ZNF382: variants seen among roughly 807,000 people sequenced by gnomAD.
ZNF382 encodes the protein zinc finger protein 382.
In ZNF382, 20 loss-of-function variants were observed where a neutral mutation model predicts 38.8. That is an observed-to-expected ratio of 0.51 (90% CI 0.36 to 0.75). ZNF382 has a LOEUF of 0.75. Ranked by LOEUF, ZNF382 falls within the 30% of genes least tolerant of loss-of-function variation. The pLI, the probability that ZNF382 is intolerant of heterozygous loss-of-function variation, is 0.00. For synonymous variants in ZNF382, 202 were observed against 223.1 expected (o/e 0.91, Z 0.84); for missense variants, 546 against 654.1 (o/e 0.83, Z 1.80).
chr19:36,620,978 C>T (rs558537500), intron 4 of ZNF382, among the ~76,000 whole-genome samples: 11 of 152,126 alleles, frequency 7.2e-5, no homozygotes, highest in Admixed American at 1.3e-4. Flanking sequence ...AGGTTGGTCT[C>T]GAACTCCTGG....
chr19:36,622,977 T>C (rs2037181538), intron 4 of ZNF382, among the ~76,000 whole-genome samples: 1 of 152,194 alleles, frequency 6.6e-6, no homozygotes, highest in Non-Finnish European at 1.5e-5. Context: ...ATCTGTAACA[T>C]GTGAGCAGAC....
chr19:36,619,767 G>A (rs1383365706), intron 4 of ZNF382, among the ~76,000 whole-genome samples: 2 of 150,094 alleles, frequency 1.3e-5, no homozygotes, highest in East Asian at 3.9e-4. Flanking sequence ...GTATTGCTCT[G>A]TTGCCCAGGC....
intron 4 of ZNF382, among the ~76,000 whole-genome samples, chr19:36,620,852 G>C (rs575927484): frequency 6.6e-6 from 1 of 151,630 alleles, no homozygotes; most frequent in Non-Finnish European, 1.5e-5. Flanking sequence ...TCCACCTCCC[G>C]AGTTCAAGTG....
intron 4 of ZNF382, among the ~76,000 whole-genome samples, chr19:36,618,287 T>A (rs2037141316): frequency 6.6e-6 from 1 of 152,208 alleles, no homozygotes; most frequent in African/African-American, 2.4e-5. Context: ...TTGCAAACTC[T>A]TTTTCAGAGC....
In ZNF382 at chr19:36,610,650, G is replaced by A; in HGVS notation, c.140G>A (p.Gly47Glu). The change falls in exon 4 of 5, where the codon GGG (glycine) becomes GAG (glutamate). Residue 47 changes from glycine (G) to glutamate (E), a missense_variant and splice_region_variant. Transcript: ENST00000292928. ...LENYCHFVSV[G>E]FHMAKPDMIR... ...CAAAAGTCTCATTTTCCATCATCAG[G>A]GTTTCACATGGCTAAGCCTGATATG... 2 of 1,607,984 alleles carry A rather than the reference G, an allele frequency of 1.2e-6. No homozygotes were observed. The highest frequency in any genetic ancestry group is 3.4e-5 in the Admixed American group (2 of 58,770).
At position 36,627,059 on chromosome 19, in the gene ZNF382, G is replaced by A. The variant is rs577820635; in HGVS notation, c.1162G>A (p.Ala388Thr). Residue 388 changes from alanine to threonine, a missense_variant, in exon 5 of 5, where the codon GCC (alanine) becomes ACC (threonine). Physicochemically the swap from Ala to Thr is moderately conservative, Grantham distance 58 (BLOSUM62 0). Transcript: ENST00000292928. Reference sequence around the variant, plus strand: ...CTATGAATGTCCTCAGTGTGGAAGTGCCTTTAGGAAGAAGTCATACCTCAT... The same window carrying A: ...CTATGAATGTCCTCAGTGTGGAAGTACCTTTAGGAAGAAGTCATACCTCAT... Reference protein sequence around the residue: ...KAYECPQCGSAFRKKSYLIDH... With the variant: ...KAYECPQCGSTFRKKSYLIDH... 83 of 1,613,714 alleles carry A rather than the reference G, an allele frequency of 5.1e-5. 1 individual carries two copies. In the South Asian group the frequency reaches 8.6e-4, roughly 17 times the overall value.
At chr19:36,612,017 T>C (rs543655778) in intron 4 of ZNF382, among the ~76,000 whole-genome samples, 38 of 152,302 alleles carry the variant, frequency 2.5e-4, no homozygotes, top group African/African-American at 9.1e-4. Context: ...GTTTTATAGG[T>C]ATAATGTACA....
At chr19:36,625,089 A>AATATGTATATATAT (rs2037199674) in intron 4 of ZNF382, among the ~76,000 whole-genome samples, 1 of 42,972 alleles carries the variant, frequency 2.3e-5, no homozygotes, top group African/African-American at 6.7e-5. Flanking sequence ...AATGAATTTA[A>AATATGTATATATAT]ATATATATAT....
At chr19:36,616,244 C>T (rs892298123) in intron 4 of ZNF382, among the ~76,000 whole-genome samples, 2 of 152,074 alleles carry the variant, frequency 1.3e-5, no homozygotes, top group Admixed American at 1.3e-4. Context: ...CAGTGGTGTG[C>T]ACCTGTAGAT....
chr19:36,606,802 G>A (rs1375223896), intron 1 of ZNF382, among the ~76,000 whole-genome samples: 3 of 152,090 alleles, frequency 2.0e-5, no homozygotes, highest in Admixed American at 2.0e-4. Context: ...TGCGGGCCTG[G>A]TGCAGTGACT....
Position 36,626,316 on chromosome 19 carries a change from G to GA in ZNF382, c.423dup (p.Val142SerfsTer11). 1 of 1,582,152 alleles carries GA rather than the reference G, an allele frequency of 6.3e-7. No individual in the cohort carries two copies. The highest frequency in any genetic ancestry group is 8.5e-7 in the Non-Finnish European group (1 of 1,170,338). On this transcript the variant is annotated frameshift_variant, in exon 5 of 5. Transcript: ENST00000292928. LOFTEE classifies it high-confidence loss of function. Reference sequence around the variant, plus strand: ...ATACTATGTGAATATAAACCTGATGGAAAAGTTTTGAAAAATATTTCAGAA... The same window carrying GA: ...ATACTATGTGAATATAAACCTGATGGAAAAAGTTTTGAAAAATATTTCAGAA...
intron 4 of ZNF382, among the ~76,000 whole-genome samples, chr19:36,622,773 C>T (rs1196372120): frequency 6.6e-6 from 1 of 152,138 alleles, no homozygotes; most frequent in Non-Finnish European, 1.5e-5. Flanking sequence ...CATTCAAAGG[C>T]CTTAAAAATT....
chr19:36,619,714 TC>T (rs1175162084), intron 4 of ZNF382, among the ~76,000 whole-genome samples: 2 of 149,968 alleles, frequency 1.3e-5, no homozygotes, highest in Non-Finnish European at 3.0e-5. Context: ...GTTACACTAT[TC>T]AGAAATTAAA....
chr19:36,626,198 C>CTCA lies in ZNF382; in HGVS notation c.303_305dup (p.Ile102dup). 1 of 1,596,300 alleles carries CTCA rather than the reference C, an allele frequency of 6.3e-7. No individual in the cohort carries two copies. Among genetic ancestry groups the CTCA allele is most frequent in the Non-Finnish European group, 8.5e-7 (1 of 1,175,154 alleles). On this transcript the variant is annotated inframe_insertion, in exon 5 of 5. Coordinates refer to ENST00000292928, the MANE Select transcript of ZNF382 (RefSeq NM_032825.5). ...ATACCAAGACAGGCATTCTAGACCCCTCATATTCATCAACCACAAAAAACT... is the reference window on the plus strand; with the variant it reads ...ATACCAAGACAGGCATTCTAGACCCCTCATCATATTCATCAACCACAAAAAACT...
At chr19:36,625,346 G>A (rs775331257) in intron 4 of ZNF382, among the ~76,000 whole-genome samples, 30 of 151,416 alleles carry the variant, frequency 2.0e-4, no homozygotes, top group Non-Finnish European at 3.8e-4. Context: ...TGGGCTAAAT[G>A]CAAGTGAAGA....
At chr19:36,609,735 T>G (rs894140596) in intron 2 of ZNF382, 167 bp from the exon 3 acceptor site, 3 of 623,604 alleles carry the variant, frequency 4.8e-6, no homozygotes, top group Non-Finnish European at 7.5e-6. Flanking sequence ...ACAAATAGTG[T>G]GATCTCAGTA....
chr19:36,611,189 C>T (rs1473840448), intron 4 of ZNF382, among the ~76,000 whole-genome samples: 1 of 152,112 alleles, frequency 6.6e-6, no homozygotes, highest in East Asian at 1.9e-4. Context: ...ACTCAGGAGG[C>T]TGAAGCAGGA....
At chr19:36,625,884 A>C (rs1220817833) in intron 4 of ZNF382, among the ~76,000 whole-genome samples, 2 of 152,172 alleles carry the variant, frequency 1.3e-5, no homozygotes, top group East Asian at 1.9e-4. Context: ...ATACCTTCTC[A>C]GTGCAGCTTA....
At position 36,626,691 on chromosome 19, in the gene ZNF382, A is replaced by G; in HGVS notation, c.794A>G (p.Lys265Arg). The G allele has an allele frequency of 1.9e-6, 3 of 1,613,958 alleles. No individual in the cohort carries two copies. The highest frequency in any genetic ancestry group is 3.3e-4 in the Middle Eastern group (2 of 6,060). Residue 265 changes from lysine (K) to arginine (R), a missense_variant, in exon 5 of 5, where the codon AAG (lysine) becomes AGG (arginine). By Grantham distance (26) the Lys-to-Arg change is conservative. Coordinates refer to ENST00000292928, the MANE Select transcript of ZNF382 (RefSeq NM_032825.5). ...LSVHPSNLME[K>R]KPSAYNKYGK... is the part of the protein sequence containing the mutation. ...GTCCATCCAAGTAATCTTATGGAAA[A>G]GAAGCCCTCTGCCTACAACAAATAT...
Sources: allele counts gnomAD v4.1 joint callset (sites outside exome capture counted in the v4.1 genomes callset), GRCh38; gene constraint gnomAD v4.1.1; transcripts MANE v1.5; gene names NCBI Gene and HGNC (gene_info 2026-07-23, HGNC 2026-07-21).